PRKAR2B: variants seen among roughly 807,000 people sequenced by gnomAD.
PRKAR2B encodes protein kinase cAMP-dependent type II regulatory subunit beta, also known as cAMP-dependent protein kinase type II-beta regulatory subunit.
In PRKAR2B, 14 loss-of-function variants were observed where a neutral mutation model predicts 49.9. That is an observed-to-expected ratio of 0.28 (90% CI 0.19 to 0.44). The LOEUF (loss-of-function observed/expected upper bound fraction) is 0.44. Ranked by LOEUF, PRKAR2B falls within the 20% of genes least tolerant of loss-of-function variation. The pLI is 1.00. For synonymous variants in PRKAR2B, 196 were observed against 197.7 expected, an observed-to-expected ratio of 0.99 and a Z score of 0.07; for missense variants, 393 against 537.9, an observed-to-expected ratio of 0.73 and a Z score of 2.67.
At chr7:107,054,019 A>G (rs1793861087) in intron 1 of PRKAR2B, among the ~76,000 whole-genome samples, 1 of 152,230 alleles carries the variant, frequency 6.6e-6, no homozygotes, top group African/African-American at 2.4e-5. Context: ...CATGAAAGAA[A>G]GGCAATTCTT....
chr7:107,044,915 T>C lies in PRKAR2B; in HGVS notation c.8T>C (p.Ile3Thr), dbSNP rs753314579. Reference sequence around the variant, plus strand: ...TGCCGCCCCGGAGGCAGGATGAGCATCGAGATCCCGGCGGGACTGACGGAG... The same window carrying C: ...TGCCGCCCCGGAGGCAGGATGAGCACCGAGATCCCGGCGGGACTGACGGAG... The part of the protein sequence containing the change: MS[I>T]EIPAGLTELL... The change falls in exon 1 of 11, where the codon ATC becomes ACC. Residue 3 changes from isoleucine (I) to threonine (T), a missense_variant. Ile to Thr is a moderately conservative substitution (Grantham distance 89, BLOSUM62 -1). This residue lies in a region of PRKAR2B where 160 missense variants were observed against 147.6 expected (regional missense o/e 1.08). Transcript: ENST00000265717. 1 of 1,596,342 alleles carries C rather than the reference T, an allele frequency of 6.3e-7. No individual in the cohort carries two copies. Among genetic ancestry groups the C allele is most frequent in the African/African-American group, 1.4e-5 (1 of 74,000 alleles).
chr7:107,093,745 A>G (rs1363483857), intron 2 of PRKAR2B, among the ~76,000 whole-genome samples: 2 of 145,852 alleles, frequency 1.4e-5, no homozygotes. Context: ...CCCACCTATG[A>G]GTGAGAACAT....
intron 10 of PRKAR2B, among the ~76,000 whole-genome samples, chr7:107,157,837 A>G (rs1028116788): frequency 6.6e-6 from 1 of 152,220 alleles, no homozygotes; most frequent in Non-Finnish European, 1.5e-5. Context: ...TGTCATCTTC[A>G]GGTGCAGGCA....
chr7:107,049,443 T>C (rs1306858477), intron 1 of PRKAR2B, among the ~76,000 whole-genome samples: 1 of 152,232 alleles, frequency 6.6e-6, no homozygotes. Context: ...TACCATGTAA[T>C]AACTGTGGCT....
At position 107,044,925 on chromosome 7, in the gene PRKAR2B, G is replaced by A. The variant is rs766813854; in HGVS notation, c.18G>A (p.Pro6=). Residue 6 remains proline, a synonymous_variant, in exon 1 of 11, where the codon CCG becomes CCA. Coordinates refer to ENST00000265717, the MANE Select transcript of PRKAR2B (RefSeq NM_002736.3). MSIEI[P]AGLTELLQGF... ...GAGGCAGGATGAGCATCGAGATCCC[G>A]GCGGGACTGACGGAGCTGCTGCAGG... 15 of 1,599,054 alleles carry A rather than the reference G, an allele frequency of 9.4e-6. No individual in the cohort carries two copies. The highest frequency in any genetic ancestry group is 1.2e-5 in the Non-Finnish European group (14 of 1,175,132).
chr7:107,089,126 C>G (rs891169867), intron 2 of PRKAR2B, among the ~76,000 whole-genome samples: 4 of 152,164 alleles, frequency 2.6e-5, no homozygotes, highest in Middle Eastern at 3.4e-3. Context: ...CCAAGATTTG[C>G]CACTGCACTC....
Position 107,153,209 on chromosome 7 carries a change from A to G in PRKAR2B, c.876A>G (p.Ile292Met). Residue 292 changes from isoleucine to methionine, a missense_variant, in exon 8 of 11, where the codon ATA becomes ATG. Coordinates refer to ENST00000265717, the MANE Select transcript of PRKAR2B (RefSeq NM_002736.3). ...AACGCCTGAAAGTAGTAGATGTGATAGGCACCAAAGTATACAACGATGGAG... is the reference window on the plus strand; with the variant it reads ...AACGCCTGAAAGTAGTAGATGTGATGGGCACCAAAGTATACAACGATGGAG... ...FSERLKVVDV[I>M]GTKVYNDGEQ... The G allele has an allele frequency of 6.2e-7, 1 of 1,609,472 alleles. No homozygotes were observed. Among genetic ancestry groups the G allele is most frequent in the Non-Finnish European group, 8.5e-7 (1 of 1,177,972 alleles).
intron 2 of PRKAR2B, among the ~76,000 whole-genome samples, chr7:107,078,684 T>G (rs896233473): frequency 1.3e-5 from 2 of 152,244 alleles, no homozygotes; most frequent in African/African-American, 2.4e-5. Context: ...TACTGATACT[T>G]AAGCAACCTT....
At chr7:107,141,180 A>G (rs568257430) in intron 5 of PRKAR2B, among the ~76,000 whole-genome samples, 2 of 152,318 alleles carry the variant, frequency 1.3e-5, no homozygotes, top group Non-Finnish European at 2.9e-5. Flanking sequence ...TGGTTAGTCT[A>G]ATCTGTAAAT....
intron 2 of PRKAR2B, among the ~76,000 whole-genome samples, chr7:107,094,985 A>T (rs1479987809): frequency 6.6e-5 from 10 of 152,088 alleles, no homozygotes. Flanking sequence ...TCTTGGCAAT[A>T]CGGGCTCTTT....
At chr7:107,132,598 G>A (rs1201145833) in intron 4 of PRKAR2B, among the ~76,000 whole-genome samples, 4 of 152,076 alleles carry the variant, frequency 2.6e-5, no homozygotes, top group Admixed American at 2.6e-4. Context: ...AACAGAACTT[G>A]GTACTTGGTG....
At position 107,075,967 on chromosome 7, in the gene PRKAR2B, A is replaced by G. The variant is rs539889117; in HGVS notation, c.343+5651A>G. Among the ~76,000 whole-genome samples the G allele has an allele frequency of 3.2e-4, 49 of 152,240 alleles. 1 individual carries two copies. In the South Asian group the frequency reaches 9.1e-3, roughly 28 times the overall value. On this transcript the variant is annotated intron_variant, in intron 2 of 10. Transcript: ENST00000265717. ...GGGAGGGGCTAGAAATGTCCAGTTA[A>G]TCTTAAGACAGTGCCTTGCATCATG... is the stretch of plus-strand genomic sequence containing the variant.
chr7:107,088,403 GGGGAAAGGAGAGCATTCCA>G lies in PRKAR2B; in HGVS notation c.343+18099_343+18117del, dbSNP rs1224863446. Among the ~76,000 whole-genome samples, 10 of 152,120 alleles carry G rather than the reference GGGGAAAGGAGAGCATTCCA, an allele frequency of 6.6e-5. 1 individual carries two copies. The highest frequency in any genetic ancestry group is 2.2e-4 in the African/African-American group (9 of 41,418). Reference sequence around the variant, plus strand: ...CTGGGAAGTACAGGGTGGAGGGTGAGGGGAAAGGAGAGCATTCCAGGGAAAGGAGATGTTGTGTGTAAAG... The same window carrying G: ...CTGGGAAGTACAGGGTGGAGGGTGAGGGGAAAGGAGATGTTGTGTGTAAAG... On this transcript the variant is annotated intron_variant, in intron 2 of 10. Transcript: ENST00000265717.
At chr7:107,105,159 G>A (rs940721074) in intron 2 of PRKAR2B, among the ~76,000 whole-genome samples, 2 of 152,130 alleles carry the variant, frequency 1.3e-5, no homozygotes, top group African/African-American at 4.8e-5. Flanking sequence ...CTGGACTGGG[G>A]TTACATTAGC....
At chr7:107,045,714 A>C (rs1199917052) in intron 1 of PRKAR2B, among the ~76,000 whole-genome samples, 1 of 152,226 alleles carries the variant, frequency 6.6e-6, no homozygotes, top group Non-Finnish European at 1.5e-5. Context: ...GAAGCATGAA[A>C]TTGGACTCAC....
chr7:107,074,337 CA>C (rs1231138665), intron 2 of PRKAR2B, among the ~76,000 whole-genome samples: 1 of 151,896 alleles, frequency 6.6e-6, no homozygotes, highest in Non-Finnish European at 1.5e-5. Context: ...CTCCTGACCT[CA>C]GGTGATCTGC....
chr7:107,106,252 A>G (rs1795069995), intron 2 of PRKAR2B, among the ~76,000 whole-genome samples: 1 of 152,182 alleles, frequency 6.6e-6, no homozygotes, highest in East Asian at 1.9e-4. Context: ...TGATTTCTGC[A>G]TTTAAGGTCT....
intron 2 of PRKAR2B, among the ~76,000 whole-genome samples, chr7:107,092,666 A>G (rs1295930524): frequency 1.3e-5 from 2 of 152,190 alleles, no homozygotes; most frequent in African/African-American, 4.8e-5. Context: ...CTGTTTACTC[A>G]CATACTTATT....
chr7:107,078,196 T>G (rs1208535004), intron 2 of PRKAR2B: 3 of 85,250 alleles, frequency 3.5e-5, no homozygotes, highest in African/African-American at 2.1e-4. Flanking sequence ...AGAGTGATAC[T>G]CCATCAAAAA....
Sources: allele counts gnomAD v4.1 joint callset (sites outside exome capture counted in the v4.1 genomes callset), GRCh38; gene constraint gnomAD v4.1.1; regional missense constraint gnomAD v4.1.1; transcripts MANE v1.5; gene names NCBI Gene and HGNC (gene_info 2026-07-23, HGNC 2026-07-21).